SMIM42: variants seen among roughly 807,000 people sequenced by gnomAD.
The protein encoded by SMIM42 is small integral membrane protein 42.
exon 1 of SMIM42, among the ~76,000 whole-genome samples, chr1:158,127,944 A>T (rs1306958515): frequency 6.6e-6 from 1 of 152,014 alleles, no homozygotes; most frequent in Admixed American, 6.6e-5. Context: ...CCAGACCAGG[A>T]TGAGTAGAGT....
At chr1:158,128,132 A>G (rs1662855485) in exon 1 of SMIM42, among the ~76,000 whole-genome samples, 1 of 152,182 alleles carries the variant, frequency 6.6e-6, no homozygotes. Flanking sequence ...CCACACCACC[A>G]AGAGAATTGG....
exon 1 of SMIM42, among the ~76,000 whole-genome samples, chr1:158,127,883 C>T (rs751734566): frequency 2.8e-4 from 43 of 152,236 alleles, no homozygotes; most frequent in East Asian, 1.5e-3. Context: ...ATGTTGCCTC[C>T]TTTCTTGGGT....
At chr1:158,127,620 A>T (rs1662848175) in exon 1 of SMIM42, among the ~76,000 whole-genome samples, 1 of 113,138 alleles carries the variant, frequency 8.8e-6, no homozygotes, top group Non-Finnish European at 1.9e-5. Context: ...AAAAAAAAAA[A>T]AAGACATTCA....
exon 1 of SMIM42, among the ~76,000 whole-genome samples, chr1:158,127,939 C>A (rs2101668532): frequency 6.6e-6 from 1 of 152,030 alleles, no homozygotes; most frequent in East Asian, 1.9e-4. Context: ...ACTTTCCAGA[C>A]CAGGATGAGT....
chr1:158,128,155 T>C (rs1466623962), exon 1 of SMIM42, among the ~76,000 whole-genome samples: 1 of 152,042 alleles, frequency 6.6e-6, no homozygotes, highest in Non-Finnish European at 1.5e-5. Context: ...TTGCTCTTGT[T>C]GTATCCTAGG....
exon 1 of SMIM42, among the ~76,000 whole-genome samples, chr1:158,128,069 G>A (rs184505286): frequency 2.8e-4 from 43 of 152,246 alleles, no homozygotes; most frequent in Non-Finnish European, 1.2e-4. Flanking sequence ...GTTGTGGGGA[G>A]GACATAAGCT....
exon 1 of SMIM42, among the ~76,000 whole-genome samples, chr1:158,127,388 A>T (rs1662845346): frequency 6.6e-6 from 1 of 152,140 alleles, no homozygotes; most frequent in African/African-American, 2.4e-5. Context: ...CATTTTAAGG[A>T]TCTTCTGGAA....
At chr1:158,127,425 A>G (rs1662845697) in exon 1 of SMIM42, among the ~76,000 whole-genome samples, 1 of 152,186 alleles carries the variant, frequency 6.6e-6, no homozygotes, top group Non-Finnish European at 1.5e-5. Flanking sequence ...GCTTCATTAT[A>G]TAACTTGAGA....
chr1:158,127,983 A>G (rs1466141044), exon 1 of SMIM42, among the ~76,000 whole-genome samples: 1 of 152,156 alleles, frequency 6.6e-6, no homozygotes, highest in Non-Finnish European at 1.5e-5. Context: ...TGTAAAGAAG[A>G]AGAGAACATT....
exon 1 of SMIM42, among the ~76,000 whole-genome samples, chr1:158,128,290 C>A (rs1165550338): frequency 6.6e-6 from 1 of 152,176 alleles, no homozygotes. Flanking sequence ...GCTTCCAATA[C>A]AAACACAGAT....
At chr1:158,128,287 A>G (rs560412621) in exon 1 of SMIM42, among the ~76,000 whole-genome samples, 28 of 152,192 alleles carry the variant, frequency 1.8e-4, no homozygotes, top group Non-Finnish European at 2.9e-4. Context: ...ACTGCTTCCA[A>G]TACAAACACA....
exon 1 of SMIM42, among the ~76,000 whole-genome samples, chr1:158,127,874 T>C (rs538177419): frequency 1.3e-5 from 2 of 152,282 alleles, no homozygotes; most frequent in East Asian, 3.9e-4. Flanking sequence ...ATGGCAGCCA[T>C]GTTGCCTCCT....
At chr1:158,127,601 CAA>C (rs145650991) in exon 1 of SMIM42, among the ~76,000 whole-genome samples, 33,437 of 116,274 alleles carry the variant, frequency 0.29, 4,050 homozygotes, top group African/African-American at 0.43. Flanking sequence ...TGAAGATCCA[CAA>C]AAAAAAAAAA....
exon 1 of SMIM42, among the ~76,000 whole-genome samples, chr1:158,127,599 CACAA>C (rs1558030268): frequency 1.7e-5 from 1 of 57,314 alleles, no homozygotes. Flanking sequence ...CTTGAAGATC[CACAA>C]AAAAAAAAAA....
chr1:158,128,122 C>T (rs1327257327), exon 1 of SMIM42, among the ~76,000 whole-genome samples: 6 of 152,066 alleles, frequency 3.9e-5, no homozygotes, highest in Non-Finnish European at 7.4e-5. Flanking sequence ...AGCCGACTGC[C>T]CACACCACCA....
At chr1:158,128,285 C>T (rs550175994) in exon 1 of SMIM42, among the ~76,000 whole-genome samples, 186 of 152,262 alleles carry the variant, frequency 1.2e-3, no homozygotes, top group African/African-American at 4.4e-3. Context: ...CAACTGCTTC[C>T]AATACAAACA....
chr1:158,127,368 T>A (rs188589052), exon 1 of SMIM42, among the ~76,000 whole-genome samples: 51 of 151,218 alleles, frequency 3.4e-4, no homozygotes, highest in Admixed American at 1.1e-3. Flanking sequence ...CAGCAGAGAG[T>A]GAGCCATTTC....
chr1:158,128,185 C>G (rs1234410542), exon 1 of SMIM42, among the ~76,000 whole-genome samples: 1 of 152,082 alleles, frequency 6.6e-6, no homozygotes. Context: ...GGTACAGCGA[C>G]CAAACATCTA....
At chr1:158,127,658 A>C (rs1209234027) in exon 1 of SMIM42, among the ~76,000 whole-genome samples, 1 of 150,826 alleles carries the variant, frequency 6.6e-6, no homozygotes, top group Non-Finnish European at 1.5e-5. Context: ...AAGCCAAAGA[A>C]CCGCAGGAGG....
Sources: allele counts gnomAD v4.1 joint callset (sites outside exome capture counted in the v4.1 genomes callset), GRCh38; gene constraint gnomAD v4.1.1; transcripts MANE v1.5; gene names NCBI Gene and HGNC (gene_info 2026-07-23, HGNC 2026-07-21).